ERC1: variants seen among roughly 807,000 people sequenced by gnomAD.
The protein encoded by ERC1 is ELKS/RAB6-interacting/CAST family member 1, also known as RAB6 interacting protein 2.
A neutral mutation model predicts 132.0 loss-of-function variants in ERC1; 56 were observed. The observed-to-expected ratio is 0.42, with a 90% confidence interval of 0.34 to 0.53. The LOEUF (loss-of-function observed/expected upper bound fraction) is 0.53. ERC1 is among the 20% of genes least tolerant of loss of function. ERC1 has a pLI of 0.03. For synonymous variants in ERC1, 478 were observed against 476.1 expected (o/e 1.00, Z -0.05); for missense variants, 1,202 against 1,349.9 (o/e 0.89, Z 1.72).
At chr12:1,247,168 G>T (rs1477330942) in intron 13 of ERC1, among the ~76,000 whole-genome samples, 1 of 151,110 alleles carries the variant, frequency 6.6e-6, no homozygotes, top group Non-Finnish European at 1.5e-5. Flanking sequence ...GTTTGAGGTT[G>T]CAGTAAGCCC....
At chr12:1,475,964 C>CT (rs1370404762) in intron 18 of ERC1, among the ~76,000 whole-genome samples, 2 of 130,252 alleles carry the variant, frequency 1.5e-5, no homozygotes, top group Non-Finnish European at 3.3e-5. Context: ...GATGTCATCT[C>CT]TTTAAAAAAA....
At chr12:1,230,721 T>C (rs1407234923) in intron 12 of ERC1, among the ~76,000 whole-genome samples, 1 of 152,192 alleles carries the variant, frequency 6.6e-6, no homozygotes, top group Non-Finnish European at 1.5e-5. Context: ...GTTCTGTTAG[T>C]ATTTGCTTTA....
At chr12:1,081,573 G>A (rs989346298) in intron 2 of ERC1, among the ~76,000 whole-genome samples, 1 of 152,098 alleles carries the variant, frequency 6.6e-6, no homozygotes, top group Admixed American at 6.5e-5. Flanking sequence ...TGTGATCTTG[G>A]ACAAGTGCTT....
intron 14 of ERC1, among the ~76,000 whole-genome samples, chr12:1,269,639 A>G (rs1445550290): frequency 6.6e-6 from 1 of 152,110 alleles, no homozygotes; most frequent in Non-Finnish European, 1.5e-5. Flanking sequence ...AAGCGGGAGG[A>G]TCAGATGGAC....
chr12:1,030,804 T>C (rs1967880734), intron 2 of ERC1, among the ~76,000 whole-genome samples: 1 of 152,182 alleles, frequency 6.6e-6, no homozygotes, highest in South Asian at 2.1e-4. Flanking sequence ...TACACAGATA[T>C]TTACCATTGT....
intron 1 of ERC1, among the ~76,000 whole-genome samples, chr12:1,019,620 C>G (rs1966033035): frequency 6.6e-6 from 1 of 152,166 alleles, no homozygotes; most frequent in Admixed American, 6.5e-5. Flanking sequence ...GTCTTGAGCA[C>G]CCCTGGAATC....
At chr12:1,315,663 T>C (rs2154351867) in intron 15 of ERC1, among the ~76,000 whole-genome samples, 1 of 152,122 alleles carries the variant, frequency 6.6e-6, no homozygotes, top group African/African-American at 2.4e-5. Context: ...CTTCCCAAAT[T>C]TATTCTCAGA....
intron 16 of ERC1, among the ~76,000 whole-genome samples, chr12:1,398,713 G>A (rs1206202944): frequency 6.6e-6 from 1 of 152,134 alleles, no homozygotes; most frequent in Non-Finnish European, 1.5e-5. Context: ...TTTTTTCACA[G>A]TTCTGGAACT....
At position 1,440,286 on chromosome 12, in the gene ERC1, G is replaced by A. The variant is rs373217483; in HGVS notation, c.3025-4276G>A. Among the ~76,000 whole-genome samples the A allele has an allele frequency of 9.2e-3, 1,246 of 136,022 alleles. 26 individuals are homozygous for A. The highest frequency in any genetic ancestry group is 0.034 in the African/African-American group (1,195 of 34,864). 89.2% of individuals were successfully genotyped at this position (136,022 alleles called of 152,430 possible). On this transcript the variant is annotated intron_variant, in intron 17 of 18. Transcript: ENST00000360905. ...GTGGTGCCATCTCGGCTCACTGCAA[G>A]CTCCGCCTCCTGGGTTCACGCCATT...
chr12:1,002,160 C>A (rs1354151412), intron 1 of ERC1, among the ~76,000 whole-genome samples: 2 of 38,454 alleles, frequency 5.2e-5, no homozygotes, highest in African/African-American at 2.2e-4. Flanking sequence ...CCATGCCCGG[C>A]TTTTTTTTTT....
At chr12:1,187,836 T>C (rs1252742521) in intron 11 of ERC1, among the ~76,000 whole-genome samples, 13 of 152,218 alleles carry the variant, frequency 8.5e-5, no homozygotes, top group Admixed American at 8.5e-4. Flanking sequence ...ATATAATTTA[T>C]AGCCTCTATT....
intron 15 of ERC1, among the ~76,000 whole-genome samples, chr12:1,315,512 A>G (rs1479893619): frequency 1.3e-5 from 2 of 151,436 alleles, no homozygotes; most frequent in African/African-American, 4.9e-5. Flanking sequence ...CACAACGCCT[A>G]GCTAATTTTT....
At chr12:1,084,614 A>T (rs1249123289) in intron 3 of ERC1, among the ~76,000 whole-genome samples, 4 of 152,140 alleles carry the variant, frequency 2.6e-5, no homozygotes, top group Non-Finnish European at 4.4e-5. Flanking sequence ...AAAAACTTAT[A>T]ACTCAAAGTA....
intron 12 of ERC1, among the ~76,000 whole-genome samples, chr12:1,232,483 C>T (rs186458257): frequency 1.2e-4 from 18 of 152,196 alleles, no homozygotes; most frequent in African/African-American, 4.1e-4. Context: ...ATGCTTTTGT[C>T]GTTTTTAATT....
chr12:1,262,306 G>A (rs1006040971), intron 13 of ERC1, among the ~76,000 whole-genome samples: 12 of 152,262 alleles, frequency 7.9e-5, no homozygotes, highest in African/African-American at 2.2e-4. Flanking sequence ...TGAACTCAGC[G>A]TTCTGTAGGG....
At chr12:1,062,151 T>A (rs919484104) in intron 2 of ERC1, among the ~76,000 whole-genome samples, 3 of 151,862 alleles carry the variant, frequency 2.0e-5, no homozygotes, top group African/African-American at 7.3e-5. Context: ...GCCTGGCTAA[T>A]TTTTTATATT....
chr12:1,469,225 G>A lies in ERC1; in HGVS notation c.3214-20868G>A, dbSNP rs954910813. On this transcript the variant is annotated intron_variant, in intron 18 of 18. Transcript: ENST00000360905. ...CCTGTCCTGCTGGTGGGAGCCTTGAGCCCAGCTCTTGAGCACTGTCTGGTG... is the reference window on the plus strand; with the variant it reads ...CCTGTCCTGCTGGTGGGAGCCTTGAACCCAGCTCTTGAGCACTGTCTGGTG... 2.6e-5 allele frequency among the ~76,000 whole-genome samples: 4 copies of A among 152,224 alleles called. No individual in the cohort carries two copies. The East Asian group carries it at 5.8e-4, about 22-fold the overall frequency.
intron 12 of ERC1, among the ~76,000 whole-genome samples, chr12:1,236,264 T>C (rs1048018607): frequency 6.6e-6 from 1 of 152,118 alleles, no homozygotes; most frequent in African/African-American, 2.4e-5. Context: ...GAAGTAAATA[T>C]GATGTTCCAT....
intron 2 of ERC1, among the ~76,000 whole-genome samples, chr12:1,059,806 G>C (rs1037388693): frequency 6.6e-6 from 1 of 152,056 alleles, no homozygotes; most frequent in Admixed American, 6.6e-5. Context: ...TGTTGTTTCT[G>C]TACCCTTGTC....
Sources: gnomAD v4.1 joint callset for allele counts (sites outside exome capture counted in the v4.1 genomes callset) on GRCh38, gnomAD v4.1.1 for gene constraint, MANE v1.5 for transcripts, NCBI Gene and HGNC (gene_info 2026-07-23, HGNC 2026-07-21) for gene names.